Variants in LDLRAD3 observed in about 807,000 individuals in gnomAD.
LDLRAD3 encodes the protein low-density lipoprotein receptor class A domain-containing protein 3.
A neutral mutation model predicts 29.4 loss-of-function variants in LDLRAD3; 20 were observed. That is an observed-to-expected ratio of 0.68 (90% CI 0.48 to 0.99). LDLRAD3 has a LOEUF of 0.99. Ranked by LOEUF, LDLRAD3 falls within the 50% of genes least tolerant of loss-of-function variation. The pLI is 0.00. For synonymous variants in LDLRAD3, 157 were observed against 192.7 expected, an observed-to-expected ratio of 0.81 and a Z score of 1.53; for missense variants, 420 against 454.3, an observed-to-expected ratio of 0.92 and a Z score of 0.69.
chr11:35,976,028 C>G (rs1851471133), intron 1 of LDLRAD3, among the ~76,000 whole-genome samples: 1 of 151,746 alleles, frequency 6.6e-6, no homozygotes, highest in African/African-American at 2.4e-5. Flanking sequence ...TTTTTGATAT[C>G]AGGTAAGAGG....
At chr11:36,033,039 T>C (rs1341064705) in intron 1 of LDLRAD3, among the ~76,000 whole-genome samples, 1 of 151,990 alleles carries the variant, frequency 6.6e-6, no homozygotes, top group Admixed American at 6.6e-5. Context: ...CACACCCGGC[T>C]AATTTTGTAT....
intron 2 of LDLRAD3, among the ~76,000 whole-genome samples, chr11:36,066,143 C>T (rs933626006): frequency 6.6e-6 from 1 of 151,914 alleles, no homozygotes; most frequent in Non-Finnish European, 1.5e-5. Flanking sequence ...GTGATTCTTA[C>T]ACTCTTCACT....
At chr11:36,033,353 C>G (rs892215483) in intron 1 of LDLRAD3, among the ~76,000 whole-genome samples, 39 of 152,198 alleles carry the variant, frequency 2.6e-4, no homozygotes, top group Non-Finnish European at 5.9e-5. Flanking sequence ...CTGGCAGGAC[C>G]ACCTGTGTGT....
intron 4 of LDLRAD3, among the ~76,000 whole-genome samples, chr11:36,114,076 A>T (rs999722404): frequency 6.6e-6 from 1 of 152,220 alleles, no homozygotes; most frequent in African/African-American, 2.4e-5. Context: ...GATTAGCCAC[A>T]GTCTTTGCCA....
intron 5 of LDLRAD3, among the ~76,000 whole-genome samples, chr11:36,228,500 T>G (rs1855529849): frequency 6.6e-6 from 1 of 152,220 alleles, no homozygotes; most frequent in South Asian, 2.1e-4. Context: ...AATGTCCCTG[T>G]GCCTCAGTTT....
chr11:36,023,926 T>C lies in LDLRAD3; in HGVS notation c.47-12177T>C, dbSNP rs575529907. ...GAATGATTTAAGGAGGGCTAATTAT[T>C]TCTTAGGAATAATTGAGCTGAGGCC... is the stretch of plus-strand genomic sequence containing the variant. On this transcript the variant is annotated intron_variant, in intron 1 of 5. Transcript: ENST00000315571. Among the ~76,000 whole-genome samples the C allele has an allele frequency of 1.2e-4, 18 of 152,334 alleles. No homozygotes were observed. In the South Asian group the frequency reaches 3.5e-3, roughly 30 times the overall value.
chr11:36,013,338 G>C (rs1851978529), intron 1 of LDLRAD3, among the ~76,000 whole-genome samples: 1 of 152,080 alleles, frequency 6.6e-6, no homozygotes, highest in African/African-American at 2.4e-5. Flanking sequence ...TGTGCAGAAT[G>C]TGCAGGTTTG....
chr11:36,009,298 T>C (rs1786860557), intron 1 of LDLRAD3, among the ~76,000 whole-genome samples: 1 of 152,164 alleles, frequency 6.6e-6, no homozygotes, highest in South Asian at 2.1e-4. Context: ...TAGTATTAAA[T>C]CAAATGCTTC....
chr11:36,216,273 A>G (rs1399612725), intron 4 of LDLRAD3, among the ~76,000 whole-genome samples: 1 of 152,224 alleles, frequency 6.6e-6, no homozygotes, highest in Non-Finnish European at 1.5e-5. Context: ...ATTTGTGAGA[A>G]GATATCTTCT....
intron 1 of LDLRAD3, among the ~76,000 whole-genome samples, chr11:35,998,017 A>T (rs531698222): frequency 6.6e-6 from 1 of 152,162 alleles, no homozygotes; most frequent in Admixed American, 6.5e-5. Context: ...AAGGGAGTTG[A>T]CTCAGCCAGG....
chr11:35,979,608 C>T (rs1008712976), intron 1 of LDLRAD3, among the ~76,000 whole-genome samples: 1 of 152,196 alleles, frequency 6.6e-6, no homozygotes, highest in Non-Finnish European at 1.5e-5. Flanking sequence ...GACTGTCTGT[C>T]TCAGAGCCTC....
chr11:36,040,262 A>G (rs1852363638), intron 2 of LDLRAD3, among the ~76,000 whole-genome samples: 1 of 152,098 alleles, frequency 6.6e-6, no homozygotes, highest in Admixed American at 6.5e-5. Flanking sequence ...GCTCTTCTGT[A>G]TCCACAGCAG....
chr11:36,134,681 G>A (rs1269581656), intron 4 of LDLRAD3, among the ~76,000 whole-genome samples: 1 of 152,204 alleles, frequency 6.6e-6, no homozygotes, highest in East Asian at 1.9e-4. Flanking sequence ...GCCACATTGG[G>A]CATCTGTTAC....
intron 4 of LDLRAD3, among the ~76,000 whole-genome samples, chr11:36,189,595 A>G (rs1231568070): frequency 1.3e-5 from 2 of 151,744 alleles, no homozygotes; most frequent in African/African-American, 2.4e-5. Flanking sequence ...TATTATTATT[A>G]TACTTTAAGT....
At chr11:36,082,399 C>T (rs977237098) in intron 3 of LDLRAD3, among the ~76,000 whole-genome samples, 1 of 152,086 alleles carries the variant, frequency 6.6e-6, no homozygotes, top group African/African-American at 2.4e-5. Flanking sequence ...GTCCCAGCTA[C>T]TCGGGAGGAT....
At chr11:36,200,741 G>A (rs1855115417) in intron 4 of LDLRAD3, among the ~76,000 whole-genome samples, 1 of 152,162 alleles carries the variant, frequency 6.6e-6, no homozygotes, top group African/African-American at 2.4e-5. Flanking sequence ...TCTCAAAGTG[G>A]GGCCGATGGT....
chr11:36,036,170 C>T lies in LDLRAD3; in HGVS notation c.114C>T (p.Ser38=), dbSNP rs1852301762. 1 of 1,614,064 alleles carries T rather than the reference C, an allele frequency of 6.2e-7. No individual in the cohort carries two copies. Among genetic ancestry groups the T allele is most frequent in the African/African-American group, 1.3e-5 (1 of 74,932 alleles). Reference sequence around the variant, plus strand: ...ACATACCAGGCAACTTCATGTGCAGCAATGGACGGTGCATCCCGGGCGCCT... The same window carrying T: ...ACATACCAGGCAACTTCATGTGCAGTAATGGACGGTGCATCCCGGGCGCCT... ...ECNIPGNFMC[S]NGRCIPGAWQ... The change falls in exon 2 of 6, where the codon AGC becomes AGT. Residue 38 remains serine (S), a synonymous_variant. Coordinates refer to ENST00000315571, the MANE Select transcript of LDLRAD3 (RefSeq NM_174902.4).
At chr11:36,071,243 A>C (rs759163386) in intron 2 of LDLRAD3, among the ~76,000 whole-genome samples, 5 of 152,216 alleles carry the variant, frequency 3.3e-5, no homozygotes, top group South Asian at 2.1e-4. Flanking sequence ...GTCATTGCCA[A>C]CTTGAGAGAA....
At chr11:36,117,869 G>A (rs970444574) in intron 4 of LDLRAD3, among the ~76,000 whole-genome samples, 3 of 152,246 alleles carry the variant, frequency 2.0e-5, no homozygotes, top group Admixed American at 6.5e-5. Flanking sequence ...AAGAGCTGGA[G>A]AGTGGAAATA....
Sources: allele counts gnomAD v4.1 joint callset (sites outside exome capture counted in the v4.1 genomes callset), GRCh38; gene constraint gnomAD v4.1.1; transcripts MANE v1.5; gene names NCBI Gene and HGNC (gene_info 2026-07-23, HGNC 2026-07-21).